NELL1: variants seen among roughly 807,000 people sequenced by gnomAD.
The protein encoded by NELL1 is protein kinase C-binding protein NELL1.
In NELL1, 76 loss-of-function variants were observed where a neutral mutation model predicts 107.4. The observed-to-expected ratio is 0.71, with a 90% CI of 0.59 to 0.86. The LOEUF (loss-of-function observed/expected upper bound fraction) is 0.86, where lower values mean the gene tolerates loss of function less well. NELL1 is among the 40% of genes least tolerant of loss of function. The probability of loss-of-function intolerance (pLI) is 0.00; values close to 1 mark genes in which losing one functional copy is unlikely to be tolerated. For synonymous variants in NELL1, 353 were observed against 341.2 expected (o/e 1.03, Z -0.38); for missense variants, 1,024 against 1,005.5 (o/e 1.02, Z -0.25).
intron 13 of NELL1, among the ~76,000 whole-genome samples, chr11:21,189,765 A>G (rs1857011558): frequency 6.6e-6 from 1 of 151,372 alleles, no homozygotes; most frequent in South Asian, 2.1e-4. Context: ...TAGTTTTTAT[A>G]AGTTTGCCTC....
rs75292308 is a variant in NELL1, at chr11:21,182,115, G to T, written c.1427-47217G>T. Among the ~76,000 whole-genome samples the T allele has an allele frequency of 1.2e-3, 177 of 151,852 alleles. 2 individuals are homozygous for T. In the East Asian group the frequency reaches 0.029, roughly 25 times the overall value. On this transcript the variant is annotated intron_variant, in intron 13 of 19. Coordinates refer to ENST00000357134, the MANE Select transcript of NELL1 (RefSeq NM_006157.5). ...AGCTGAGATTCAAATTCTAGCAGAC[G>T]CCAGCCAGAGCCTGTGCTCTTAAGA...
At chr11:21,105,846 CTTCCCTCT>C (rs1376231443) in intron 12 of NELL1, among the ~76,000 whole-genome samples, 4 of 1,096 alleles carry the variant, frequency 3.6e-3, no homozygotes, top group South Asian at 0.036. Context: ...TCTCCCCTCC[CTTCCCTCT>C]CTCCCCTCCC....
At chr11:20,731,898 A>T (rs1333434680) in intron 2 of NELL1, among the ~76,000 whole-genome samples, 1 of 152,174 alleles carries the variant, frequency 6.6e-6, no homozygotes, top group East Asian at 1.9e-4. Flanking sequence ...GTGGGTAAAC[A>T]CGTTGGCTTT....
At chr11:20,742,280 T>C (rs560390630) in intron 2 of NELL1, among the ~76,000 whole-genome samples, 2 of 152,254 alleles carry the variant, frequency 1.3e-5, no homozygotes, top group Non-Finnish European at 2.9e-5. Context: ...CTTACTGTAA[T>C]GGTTATAGGT....
At chr11:20,955,706 C>T (rs1851156678) in intron 11 of NELL1, among the ~76,000 whole-genome samples, 1 of 151,930 alleles carries the variant, frequency 6.6e-6, no homozygotes, top group South Asian at 2.1e-4. Flanking sequence ...ATTATTATTC[C>T]CATTTAAAAC....
chr11:20,935,188 G>A (rs1345147446), intron 9 of NELL1, among the ~76,000 whole-genome samples: 1 of 152,150 alleles, frequency 6.6e-6, no homozygotes, highest in Non-Finnish European at 1.5e-5. Context: ...ATGGTGGGGT[G>A]TACAATTAAA....
chr11:21,077,777 T>C (rs541840401), intron 12 of NELL1, among the ~76,000 whole-genome samples: 2 of 150,160 alleles, frequency 1.3e-5, no homozygotes, highest in African/African-American at 4.9e-5. Flanking sequence ...AAAATTCCCA[T>C]ACTGTAACAT....
rs754906473 is a variant in NELL1 at position 21,129,195 on chromosome 11, A to G, written c.1426+15481A>G. ...GTGTGTGTGTTGTTATTTATGGGTG[A>G]ATCTAATAATGGTCTAAATGAGAGA... On this transcript the variant is annotated intron_variant, in intron 13 of 19. Transcript: ENST00000357134. Among the ~76,000 whole-genome samples, 138 of 151,968 alleles carry G rather than the reference A, an allele frequency of 9.1e-4. 2 individuals carry two copies. The highest frequency in any genetic ancestry group is 5.2e-4 in the Admixed American group (8 of 15,244).
At chr11:21,272,928 G>A (rs1010820476) in intron 14 of NELL1, among the ~76,000 whole-genome samples, 38 of 152,114 alleles carry the variant, frequency 2.5e-4, no homozygotes, top group Non-Finnish European at 3.8e-4. Context: ...AAGACCAAAG[G>A]TAGATAAAAC....
chr11:21,401,716 A>G (rs774166028), intron 15 of NELL1, among the ~76,000 whole-genome samples: 18 of 151,846 alleles, frequency 1.2e-4, no homozygotes, highest in Non-Finnish European at 2.4e-4. Flanking sequence ...ATAAGAAAGC[A>G]TGTTTGACCT....
At chr11:21,275,149 G>C (rs1304792278) in intron 14 of NELL1, among the ~76,000 whole-genome samples, 1 of 152,050 alleles carries the variant, frequency 6.6e-6, no homozygotes, top group Non-Finnish European at 1.5e-5. Context: ...TTCATAGACT[G>C]CTAGCAGACT....
intron 15 of NELL1, among the ~76,000 whole-genome samples, chr11:21,374,437 G>A (rs1253197991): frequency 6.6e-6 from 1 of 151,984 alleles, no homozygotes; most frequent in Non-Finnish European, 1.5e-5. Flanking sequence ...TTATAACATG[G>A]CCACTGGAAT....
intron 17 of NELL1, among the ~76,000 whole-genome samples, 173 bp from the exon 18 acceptor site, chr11:21,570,591 C>G (rs1004545549): frequency 1.3e-5 from 2 of 151,714 alleles, no homozygotes; most frequent in Non-Finnish European, 2.9e-5. Flanking sequence ...GCTCTGCAAG[C>G]AAAATCAGGG....
intron 15 of NELL1, chr11:21,383,780 T>A (rs1273733602): frequency 6.6e-6 from 1 of 151,264 alleles, no homozygotes; most frequent in South Asian, 2.1e-4. Context: ...ATAGTCCTGA[T>A]TTTCCCCCCT....
At chr11:20,992,447 T>G (rs1165622591) in intron 12 of NELL1, among the ~76,000 whole-genome samples, 1 of 152,208 alleles carries the variant, frequency 6.6e-6, no homozygotes, top group Non-Finnish European at 1.5e-5. Context: ...CTTTGGAAAT[T>G]ATTTCAAACC....
Position 21,067,460 on chromosome 11 carries a change from C to T in NELL1, c.1301-46129C>T, listed in dbSNP as rs535144485. On this transcript the variant is annotated intron_variant, in intron 12 of 19. Transcript: ENST00000357134. Reference sequence around the variant, plus strand: ...GTCTCTAATTAGAGTAAGGCTTGCTCTTCCGAGGCCTGTATGCTGGGAGGA... The same window carrying T: ...GTCTCTAATTAGAGTAAGGCTTGCTTTTCCGAGGCCTGTATGCTGGGAGGA... Among the ~76,000 whole-genome samples, 5 of 152,274 alleles carry T rather than the reference C, an allele frequency of 3.3e-5. No individual in the cohort carries two copies. In the South Asian group the frequency reaches 8.3e-4, roughly 25 times the overall value.
At chr11:21,120,931 C>T (rs73462602) in intron 13 of NELL1, among the ~76,000 whole-genome samples, 2,138 of 152,176 alleles carry the variant, frequency 0.014, 41 homozygotes, top group African/African-American at 0.048. Context: ...TCCTTCCCTA[C>T]GCCCTCAGAG....
At chr11:21,337,784 CT>C (rs1565175370) in intron 14 of NELL1, among the ~76,000 whole-genome samples, 4 of 139,446 alleles carry the variant, frequency 2.9e-5, no homozygotes, top group South Asian at 2.5e-4. Flanking sequence ...TTCTTTCTTT[CT>C]TTCTTTCTTT....
intron 16 of NELL1, among the ~76,000 whole-genome samples, chr11:21,539,645 C>T (rs1379350539): frequency 6.6e-6 from 1 of 151,304 alleles, no homozygotes; most frequent in Non-Finnish European, 1.5e-5. Context: ...TGCTCCTTCT[C>T]TTCTCTCCTC....
Sources: gnomAD v4.1 joint callset for allele counts (sites outside exome capture counted in the v4.1 genomes callset) on GRCh38, gnomAD v4.1.1 for gene constraint, MANE v1.5 for transcripts, NCBI Gene and HGNC (gene_info 2026-07-23, HGNC 2026-07-21) for gene names.